TYSND1: variants seen among roughly 807,000 people sequenced by gnomAD.
The protein encoded by TYSND1 is trypsin like peroxisomal matrix peptidase 1, also known as peroxisomal leader peptide-processing protease.
Under a neutral mutation model 37.2 loss-of-function variants are expected in TYSND1, and 30 were observed. That is an observed-to-expected ratio of 0.81 (90% CI 0.60 to 1.09). The LOEUF (loss-of-function observed/expected upper bound fraction) is 1.09. Among genes scored for constraint, TYSND1 ranks in the 50% least tolerant of loss-of-function variants. The pLI, the probability that TYSND1 is intolerant of heterozygous loss-of-function variation, is 0.00. For synonymous variants in TYSND1, 364 were observed against 383.8 expected (o/e 0.95, Z 0.60); for missense variants, 806 against 817.4 (o/e 0.99, Z 0.17).
rs372549442 is a variant in TYSND1, at chr10:70,142,685, T to G, written c.1466A>C (p.His489Pro). ...CTGGTTACCAAGGAGGTTTCCTGAG[T>G]GGTTGGAGAAGAGGGGTCCCCCACT... ...GSSGGPLFSNHSGNLLGIITS... is the reference protein window; with the variant it reads ...GSSGGPLFSNPSGNLLGIITS... The change falls in exon 3 of 4, where the codon CAC becomes CCC. Residue 489 changes from histidine to proline, a missense_variant. Around this residue, in one of 3 missense-constraint regions of TYSND1, gnomAD observed 708 missense variants for 705.4 expected, o/e 1.00. Transcript: ENST00000287078. The G allele has an allele frequency of 9.4e-6, 15 of 1,591,400 alleles. No homozygotes were observed. The highest frequency in any genetic ancestry group is 9.0e-5 in the South Asian group (8 of 88,562).
At chr10:70,140,654 T>C in intron 3 of TYSND1, among the ~76,000 whole-genome samples, 1 of 152,240 alleles carries the variant, frequency 6.6e-6, no homozygotes, top group East Asian at 1.9e-4. Flanking sequence ...GCCTAAATAT[T>C]GCAGAATTCT....
At chr10:70,145,331 A>G (rs1839161883) in intron 1 of TYSND1, 90 bp downstream of exon 1, 11 of 1,193,254 alleles carry the variant, frequency 9.2e-6, no homozygotes. Flanking sequence ...GTGACACAAG[A>G]AAGGCCTGCA....
chr10:70,146,593 T>C lies in TYSND1; in HGVS notation c.-7A>G, dbSNP rs981463644. On this transcript the variant is annotated 5_prime_UTR_variant, in exon 1 of 4. Transcript: ENST00000287078. ...ACCCCCACTGCCTTCTCATGGCCTC[T>C]AGGCCGGACACTCGGGAGCTTCTCC... 2.0e-6 allele frequency: 3 copies of C among 1,522,178 alleles called. No individual in the cohort carries two copies. Among genetic ancestry groups the C allele is most frequent in the African/African-American group, 1.4e-5 (1 of 70,382 alleles). 94.3% of individuals were successfully genotyped at this position (1,522,178 alleles called of 1,614,324 possible). A position where few individuals can be genotyped will look rare whatever the true frequency, so the allele number is the denominator to read the frequency against.
At position 70,145,846 on chromosome 10, in the gene TYSND1, G is replaced by A. The variant is rs1203435522; in HGVS notation, c.741C>T (p.Ala247=). ...TLSCGVLSNV[A]GPLLLTDARC... ...GTGCGTCGGTAAGCAGCAGTGGGCC[G>A]GCCACGTTGCTGAGCACCCCGCAGC... Residue 247 remains alanine, a synonymous_variant, in exon 1 of 4, where the codon GCC becomes GCT. Transcript: ENST00000287078. 1.9e-6 allele frequency: 3 copies of A among 1,539,900 alleles called. No individual in the cohort carries two copies. Among genetic ancestry groups the A allele is most frequent in the African/African-American group, 1.4e-5 (1 of 71,956 alleles).
At chr10:70,144,107 G>A in intron 1 of TYSND1, 135 bp from the exon 2 acceptor site, 2 of 1,094,318 alleles carry the variant, frequency 1.8e-6, no homozygotes, top group Non-Finnish European at 2.6e-6. Flanking sequence ...GGCAACTCTG[G>A]GCAAGTCATG....
At chr10:70,144,427 G>A (rs2072842826) in intron 1 of TYSND1, 8 of 990,546 alleles carry the variant, frequency 8.1e-6, no homozygotes, top group South Asian at 4.3e-5. Context: ...CAACAATCCC[G>A]TCAGTTGGTG....
In TYSND1 at chr10:70,142,776, C is replaced by T. The variant is rs762178413; in HGVS notation, c.1375G>A (p.Ala459Thr). 5.6e-6 allele frequency: 9 copies of T among 1,614,170 alleles called. No individual in the cohort carries two copies. The South Asian group carries it at 8.8e-5, about 16-fold the overall frequency. The part of the protein sequence containing the change: ...GPSVTSGILS[A>T]VVQVNGTPVM... Reference sequence around the variant, plus strand: ...GGCGTGCCATTCACCTGCACCACAGCCGAAAGGATGCCTGAGGTCACCGAG... The same window carrying T: ...GGCGTGCCATTCACCTGCACCACAGTCGAAAGGATGCCTGAGGTCACCGAG... The change falls in exon 3 of 4, where the codon GCT becomes ACT. Residue 459 changes from alanine to threonine, a missense_variant. By Grantham distance (58) the Ala-to-Thr change is moderately conservative (BLOSUM62 0). Around this residue, in one of 3 missense-constraint regions of TYSND1, gnomAD observed 708 missense variants for 705.4 expected, o/e 1.00. Transcript: ENST00000287078.
intron 1 of TYSND1, chr10:70,144,511 G>C (rs1435956656): frequency 1.1e-5 from 11 of 987,944 alleles, no homozygotes; most frequent in Non-Finnish European, 1.3e-5. Flanking sequence ...AGCACACGAC[G>C]TGACAGGCTC....
chr10:70,139,671 T>G lies in TYSND1; in HGVS notation c.*253A>C. On this transcript the variant is annotated 3_prime_UTR_variant, in exon 4 of 4. Transcript: ENST00000287078. ...CAGAAGGAAAAACAATACAGCTGAG[T>G]CTAGTGCTAGGGGACAGAGAACTGG... The G allele has an allele frequency of 2.2e-6, 1 of 464,114 alleles. No individual in the cohort carries two copies. The highest frequency in any genetic ancestry group is 3.6e-5 in the South Asian group (1 of 27,440). The allele number at this position is 464,114 out of a possible 1,614,324, so 28.7% of individuals were successfully genotyped here.
At chr10:70,141,007 C>A (rs2072762489) in intron 3 of TYSND1, among the ~76,000 whole-genome samples, 1 of 151,550 alleles carries the variant, frequency 6.6e-6, no homozygotes, top group Non-Finnish European at 1.5e-5. Context: ...TTTTTAGAGG[C>A]AAGGTCTCGC....
rs1320648599 is a variant in TYSND1 at position 70,145,896 on chromosome 10, G to A, written c.691C>T (p.Pro231Ser). ...VCGSPFGAFCPDIFLNTLSCG... is the reference protein window; with the variant it reads ...VCGSPFGAFCSDIFLNTLSCG... Reference sequence around the variant, plus strand: ...CTCAGCGTGTTGAGAAAGATGTCGGGGCAGAAGGCGCCGAAAGGGGAGCCG... The same window carrying A: ...CTCAGCGTGTTGAGAAAGATGTCGGAGCAGAAGGCGCCGAAAGGGGAGCCG... Residue 231 changes from proline (P) to serine (S), a missense_variant, in exon 1 of 4, where the codon CCC becomes TCC. Coordinates refer to ENST00000287078, the MANE Select transcript of TYSND1 (RefSeq NM_173555.4). 3.9e-6 allele frequency: 6 copies of A among 1,547,834 alleles called. No homozygotes were observed. Among genetic ancestry groups the A allele is most frequent in the Non-Finnish European group, 5.2e-6 (6 of 1,146,178 alleles).
At chr10:70,144,670 T>TG in intron 1 of TYSND1, 2 of 985,686 alleles carry the variant, frequency 2.0e-6, no homozygotes, top group Non-Finnish European at 2.4e-6. Flanking sequence ...AAGGGGCATG[T>TG]GGGGGGAGTG....
Position 70,139,937 on chromosome 10 carries a change from C to G in TYSND1, c.1688G>C (p.Arg563Pro), listed in dbSNP as rs200072087. 1 of 1,612,898 alleles carries G rather than the reference C, an allele frequency of 6.2e-7. No homozygotes were observed. The highest frequency in any genetic ancestry group is 8.5e-7 in the Non-Finnish European group (1 of 1,179,696). The change falls in exon 4 of 4, where the codon CGG (arginine) becomes CCG (proline). Residue 563 changes from arginine to proline, a missense_variant. Around this residue, in one of 3 missense-constraint regions of TYSND1, gnomAD observed 708 missense variants for 705.4 expected, o/e 1.00. Transcript: ENST00000287078. ...GGTAACACAGCCTCAGAGCTTGCTCCGCGGGGCCTCTGCCAGGGGCCGCTG... is the reference window on the plus strand; with the variant it reads ...GGTAACACAGCCTCAGAGCTTGCTCGGCGGGGCCTCTGCCAGGGGCCGCTG... ...RLQRPLAEAP[R>P]SKL
Position 70,146,114 on chromosome 10 carries a change from T to C in TYSND1, c.473A>G (p.Gln158Arg). Residue 158 changes from glutamine (Q) to arginine (R), a missense_variant, in exon 1 of 4, where the codon CAG becomes CGG. This residue lies in a region of TYSND1 where 708 missense variants were observed against 705.4 expected (regional missense o/e 1.00). Coordinates refer to ENST00000287078, the MANE Select transcript of TYSND1 (RefSeq NM_173555.4). ...CCGCGCCGCGCTCGAGAAGCGCCAC[T>C]GTTCCGCTGCCTCGTCCCCGAAGAG... The part of the protein sequence containing the change: ...ARLFGDEAAE[Q>R]WRFSSAARDD... 3 of 1,566,120 alleles carry C rather than the reference T, an allele frequency of 1.9e-6. No homozygotes were observed. The South Asian group carries it at 3.5e-5, about 18-fold the overall frequency.
At position 70,146,498 on chromosome 10, in the gene TYSND1, C is replaced by G. The variant is rs775335996; in HGVS notation, c.89G>C (p.Gly30Ala). 1.3e-6 allele frequency: 2 copies of G among 1,594,328 alleles called. No homozygotes were observed. The highest frequency in any genetic ancestry group is 4.5e-5 in the East Asian group (2 of 44,056). The change falls in exon 1 of 4, where the codon GGC (glycine) becomes GCC (alanine). Residue 30 changes from glycine (G) to alanine (A), a missense_variant. This residue lies in a region of TYSND1 where 84 missense variants were observed against 79.0 expected (regional missense o/e 1.06). Coordinates refer to ENST00000287078, the MANE Select transcript of TYSND1 (RefSeq NM_173555.4). ...GATTACCCCGCTGCAGCTCCACGGG[C>G]CCGCCTCGGGCTGTCCGGCCCGGGA... ...SASRAGQPEA[G>A]PWSCSGVILS...
Position 70,140,117 on chromosome 10 carries a change from T to C in TYSND1, c.1508A>G (p.Asp503Gly), listed in dbSNP as rs1183938198. 2 of 1,611,732 alleles carry C rather than the reference T, an allele frequency of 1.2e-6. No homozygotes were observed. The highest frequency in any genetic ancestry group is 1.3e-5 in the African/African-American group (1 of 74,876). Residue 503 changes from aspartate (D) to glycine (G), a missense_variant, in exon 4 of 4, where the codon GAC becomes GGC. Transcript: ENST00000287078. ...GGGGTAGGTGGCCCCCGTATTATTG[T>C]CCCGGGTGTTGCTGGTGATTATGCC... ...LLGIITSNTRDNNTGATYPHL... is the reference protein window; with the variant it reads ...LLGIITSNTRGNNTGATYPHL...
At position 70,142,679 on chromosome 10, in the gene TYSND1, C is replaced by T. The variant is rs748870129; in HGVS notation, c.1472G>A (p.Gly491Glu). The T allele has an allele frequency of 6.3e-7, 1 of 1,586,530 alleles. No individual in the cohort carries two copies. Among genetic ancestry groups the T allele is most frequent in the Admixed American group, 1.8e-5 (1 of 55,184 alleles). ...SGGPLFSNHS[G>E]NLLGIITSNT... ...AAAGAGCTGGTTACCAAGGAGGTTT[C>T]CTGAGTGGTTGGAGAAGAGGGGTCC... is the stretch of plus-strand genomic sequence containing the variant. Residue 491 changes from glycine to glutamate, a missense_variant, in exon 3 of 4, where the codon GGA (glycine) becomes GAA (glutamate). By Grantham distance (98) the Gly-to-Glu change is moderately conservative. Around this residue, in one of 3 missense-constraint regions of TYSND1, gnomAD observed 708 missense variants for 705.4 expected, o/e 1.00. Coordinates refer to ENST00000287078, the MANE Select transcript of TYSND1 (RefSeq NM_173555.4).
Position 70,145,459 on chromosome 10 carries a change from CCGAGGGGACA to C in TYSND1, c.1118_1127del (p.Val373GlyfsTer34). 1 of 1,477,438 alleles carries C rather than the reference CCGAGGGGACA, an allele frequency of 6.8e-7. No homozygotes were observed. The highest frequency in any genetic ancestry group is 9.0e-7 in the Non-Finnish European group (1 of 1,115,720). 91.5% of individuals were successfully genotyped at this position (1,477,438 alleles called of 1,614,324 possible). ...AGCGCACCAGGACCCTGGCTGCTTC[CCGAGGGGACA>C]CGTGCCGACAGGTCACTACAAGGCG... On this transcript the variant is annotated frameshift_variant, in exon 1 of 4. Transcript: ENST00000287078. LOFTEE classifies it high-confidence loss of function.
chr10:70,142,642 CGGGAGGGG>C lies in TYSND1; in HGVS notation c.1483+18_1483+25del. On this transcript the variant is annotated intron_variant, in intron 3 of 3. Coordinates refer to ENST00000287078, the MANE Select transcript of TYSND1 (RefSeq NM_173555.4). ...ACTGAGGTTCTGGCAAGTGGGAGGG[CGGGAGGGG>C]GCCAAAGAGCTGGTTACCAAGGAGG... 1.1e-6 allele frequency: 1 copy of C among 920,820 alleles called. No homozygotes were observed. The highest frequency in any genetic ancestry group is 1.5e-6 in the Non-Finnish European group (1 of 674,872). 57.0% of individuals were successfully genotyped at this position (920,820 alleles called of 1,614,324 possible). A position where few individuals can be genotyped will look rare whatever the true frequency, so the allele number is the denominator to read the frequency against.
Sources: gnomAD v4.1 joint callset for allele counts (sites outside exome capture counted in the v4.1 genomes callset) on GRCh38, gnomAD v4.1.1 for gene constraint, gnomAD v4.1.1 regional missense constraint, MANE v1.5 for transcripts, NCBI Gene and HGNC (gene_info 2026-07-23, HGNC 2026-07-21) for gene names.